Variants in CHST9 observed in about 807,000 individuals in gnomAD.
The protein encoded by CHST9 is carbohydrate sulfotransferase 9.
Under a neutral mutation model 44.4 loss-of-function variants are expected in CHST9, and 41 were observed. That is an observed-to-expected ratio of 0.92 (90% CI 0.72 to 1.20). The LOEUF is 1.20. Ranked by LOEUF, CHST9 falls within the 50% of genes most tolerant of loss-of-function variation. CHST9 has a pLI of 0.00. For missense variants in CHST9, 504 were observed against 516.5 expected, an observed-to-expected ratio of 0.98 and a Z score of 0.23; for synonymous variants, 171 against 178.4, an observed-to-expected ratio of 0.96 and a Z score of 0.33.
In CHST9 at chr18:26,917,347, G is replaced by T. The variant is rs775105042; in HGVS notation, c.244C>A (p.Pro82Thr). ...KIQEHITNQNPKFHMPEDVRE... is the reference protein window; with the variant it reads ...KIQEHITNQNTKFHMPEDVRE... ...ACATCCTCAGGCATGTGAAACTTGGGGTTCTGTTAAAATAAAGAAGGAGAA... is the reference window on the plus strand; with the variant it reads ...ACATCCTCAGGCATGTGAAACTTGGTGTTCTGTTAAAATAAAGAAGGAGAA... Residue 82 changes from proline (P) to threonine (T), a missense_variant, in exon 6 of 6, where the codon CCC (proline) becomes ACC (threonine). Pro to Thr is a conservative substitution (Grantham distance 38, BLOSUM62 -1). Transcript: ENST00000618847. 2 of 1,607,704 alleles carry T rather than the reference G, an allele frequency of 1.2e-6. No homozygotes were observed. The highest frequency in any genetic ancestry group is 2.7e-5 in the African/African-American group (2 of 74,598).
chr18:27,074,080 G>A (rs1336757167), intron 2 of CHST9, among the ~76,000 whole-genome samples: 2 of 152,114 alleles, frequency 1.3e-5, no homozygotes, highest in Non-Finnish European at 2.9e-5. Context: ...ACAGAACAAA[G>A]AAATTCATAT....
chr18:26,995,774 A>C (rs953367001), intron 4 of CHST9, among the ~76,000 whole-genome samples: 1 of 152,236 alleles, frequency 6.6e-6, no homozygotes, highest in Non-Finnish European at 1.5e-5. Flanking sequence ...ACACAATAAC[A>C]AACCTGAAAA....
chr18:27,045,945 A>G (rs1369731620), intron 3 of CHST9, among the ~76,000 whole-genome samples: 1 of 152,060 alleles, frequency 6.6e-6, no homozygotes, highest in Non-Finnish European at 1.5e-5. Flanking sequence ...AATTAGTGTA[A>G]TCTTTGGAAC....
chr18:26,969,360 T>TTC (rs139727723), intron 4 of CHST9, among the ~76,000 whole-genome samples: 91 of 128,806 alleles, frequency 7.1e-4, no homozygotes, highest in African/African-American at 2.2e-3. Context: ...CCTTTTTTGA[T>TTC]TCTCTCTCTC....
intron 4 of CHST9, among the ~76,000 whole-genome samples, chr18:26,967,090 A>G (rs1180092663): frequency 6.6e-6 from 1 of 152,108 alleles, no homozygotes; most frequent in Non-Finnish European, 1.5e-5. Flanking sequence ...CCTTTTGTGA[A>G]TTCTAACACT....
chr18:27,042,834 C>G (rs1205064369), intron 3 of CHST9, among the ~76,000 whole-genome samples: 1 of 151,638 alleles, frequency 6.6e-6, no homozygotes, highest in Non-Finnish European at 1.5e-5. Flanking sequence ...CCTTCTCACT[C>G]TCCTTCCTTT....
Position 26,915,026 on chromosome 18 carries a change from A to G in CHST9, c.*1233T>C. 1 of 397,852 alleles carries G rather than the reference A, an allele frequency of 2.5e-6. No homozygotes were observed. The highest frequency in any genetic ancestry group is 4.4e-6 in the Non-Finnish European group (1 of 225,552). The allele number at this position is 397,852 out of a possible 1,614,324, so 24.6% of individuals were successfully genotyped here. A position where few individuals can be genotyped will look rare whatever the true frequency, so the allele number is the denominator to read the frequency against. On this transcript the variant is annotated 3_prime_UTR_variant, in exon 6 of 6. Coordinates refer to ENST00000618847, the MANE Select transcript of CHST9 (RefSeq NM_031422.6). ...TAGGATCCCTTGGAAAAAAATTCCA[A>G]AATGCATTACAACTATTCATAAGGG... is the stretch of plus-strand genomic sequence containing the variant.
At chr18:27,062,809 C>T (rs1352314667) in intron 2 of CHST9, among the ~76,000 whole-genome samples, 1 of 152,214 alleles carries the variant, frequency 6.6e-6, no homozygotes, top group Admixed American at 6.5e-5. Flanking sequence ...TCTCCACATC[C>T]TCTCCAACAC....
At chr18:27,169,201 G>A (rs1444787972) in intron 1 of CHST9, among the ~76,000 whole-genome samples, 1 of 152,162 alleles carries the variant, frequency 6.6e-6, no homozygotes. Flanking sequence ...CATGATATAT[G>A]TATGTTGTTT....
intron 2 of CHST9, among the ~76,000 whole-genome samples, chr18:27,132,472 T>C (rs982870278): frequency 2.0e-5 from 3 of 152,210 alleles, no homozygotes; most frequent in Admixed American, 6.5e-5. Context: ...TCACTTGTCT[T>C]CCTTAGCTTA....
rs1163376930 is a variant in CHST9, at chr18:27,142,853, C to T, written c.-44G>A. On this transcript the variant is annotated 5_prime_UTR_variant, in exon 2 of 6. Transcript: ENST00000618847. Reference sequence around the variant, plus strand: ...CTGAAGACCACATGATTTGTTTTCCCGTAAAACTTCAGTCTTTTCTTGTTC... The same window carrying T: ...CTGAAGACCACATGATTTGTTTTCCTGTAAAACTTCAGTCTTTTCTTGTTC... 25 of 1,546,780 alleles carry T rather than the reference C, an allele frequency of 1.6e-5. No homozygotes were observed. The highest frequency in any genetic ancestry group is 1.7e-4 in the Middle Eastern group (1 of 5,832).
chr18:27,178,518 A>T (rs1171337964), intron 1 of CHST9, among the ~76,000 whole-genome samples: 2 of 152,056 alleles, frequency 1.3e-5, no homozygotes, highest in Non-Finnish European at 1.5e-5. Flanking sequence ...CTTAAGTTAC[A>T]GTCCAGTAGA....
At chr18:26,933,218 AC>A (rs2055913532) in intron 5 of CHST9, 1 of 153,466 alleles carries the variant, frequency 6.5e-6, no homozygotes, top group African/African-American at 2.4e-5. Flanking sequence ...GTACATTTTT[AC>A]CCCCATCCAT....
intron 2 of CHST9, among the ~76,000 whole-genome samples, chr18:27,066,095 T>C (rs920926342): frequency 5.3e-5 from 8 of 152,220 alleles, no homozygotes; most frequent in Admixed American, 1.3e-4. Flanking sequence ...ATTTGGATCT[T>C]AAAAAATGGG....
intron 3 of CHST9, among the ~76,000 whole-genome samples, chr18:27,037,549 G>A (rs2057402389): frequency 6.6e-6 from 1 of 152,248 alleles, no homozygotes; most frequent in East Asian, 1.9e-4. Context: ...AAATTTAGCT[G>A]GATGTGGTGG....
At position 26,966,508 on chromosome 18, in the gene CHST9, C is replaced by A. The variant is rs1218741104; in HGVS notation, c.203-22142G>T. The stretch of plus-strand genomic sequence containing the variant: ...AAACAAGGCATGAATATAAATAATA[C>A]ATATAGTACTTCTGGATTTAAACGT... On this transcript the variant is annotated intron_variant, in intron 4 of 5. Coordinates refer to ENST00000618847, the MANE Select transcript of CHST9 (RefSeq NM_031422.6). Among the ~76,000 whole-genome samples, 4 of 152,124 alleles carry A rather than the reference C, an allele frequency of 2.6e-5. No individual in the cohort carries two copies. In the East Asian group the frequency reaches 7.7e-4, roughly 29 times the overall value.
chr18:26,971,746 A>T (rs2056545995), intron 4 of CHST9, among the ~76,000 whole-genome samples: 1 of 152,110 alleles, frequency 6.6e-6, no homozygotes, highest in Non-Finnish European at 1.5e-5. Flanking sequence ...TCACACAGCC[A>T]CGCCCAGCTC....
intron 4 of CHST9, among the ~76,000 whole-genome samples, chr18:26,982,480 T>C (rs1335368710): frequency 1.3e-5 from 2 of 152,024 alleles, no homozygotes; most frequent in Non-Finnish European, 2.9e-5. Flanking sequence ...ACTCAACATA[T>C]GTCACTAAGG....
chr18:27,161,136 T>G (rs568366756), intron 1 of CHST9, among the ~76,000 whole-genome samples: 1 of 152,288 alleles, frequency 6.6e-6, no homozygotes, highest in African/African-American at 2.4e-5. Context: ...TCTTAGTTAT[T>G]TCTTGCCTTC....
Sources: gnomAD v4.1 joint callset for allele counts (sites outside exome capture counted in the v4.1 genomes callset) on GRCh38, gnomAD v4.1.1 for gene constraint, MANE v1.5 for transcripts, NCBI Gene and HGNC (gene_info 2026-07-23, HGNC 2026-07-21) for gene names.